The following PCDHA6 variants were observed in gnomAD, a reference collection of about 807,000 sequenced individuals.
PCDHA6 encodes protocadherin alpha 6, also known as protocadherin alpha-6.
Under a neutral mutation model 60.3 loss-of-function variants are expected in PCDHA6, and 55 were observed. That is an observed-to-expected ratio of 0.91 (90% confidence interval 0.73 to 1.14). The LOEUF (loss-of-function observed/expected upper bound fraction) is 1.14. Ranked by LOEUF, PCDHA6 falls within the 50% of genes most tolerant of loss-of-function variation. The probability of loss-of-function intolerance (pLI) is 0.00; values close to 1 mark genes in which losing one functional copy is unlikely to be tolerated. For missense variants in PCDHA6, 1,327 were observed against 1,256.5 expected (o/e 1.06, Z -0.85); for synonymous variants, 652 against 557.9 (o/e 1.17, Z -2.38).
At chr5:140,850,132 G>A (rs2150469208) in intron 1 of PCDHA6, 1 of 1,595,756 alleles carries the variant, frequency 6.3e-7, no homozygotes, top group East Asian at 2.2e-5. Flanking sequence ...CCGCCTCTGG[G>A]CAGCAACGTG....
At chr5:140,861,554 C>G (rs1023234694) in intron 1 of PCDHA6, 16 of 398,878 alleles carry the variant, frequency 4.0e-5, no homozygotes, top group African/African-American at 3.3e-4. Flanking sequence ...TGGAAGTGAT[C>G]GTGGACAAGC....
rs142720081 is a variant in PCDHA6, at chr5:141,009,771, T to G, written c.2687T>G (p.Ile896Ser). 1 of 1,614,082 alleles carries G rather than the reference T, an allele frequency of 6.2e-7. No individual in the cohort carries two copies. The change falls in exon 4 of 4, where the codon ATC becomes AGC. Residue 896 changes from isoleucine to serine, a missense_variant. Physicochemically the swap from Ile to Ser is moderately radical, Grantham distance 142. Transcript: ENST00000529310. ...DKFIIPGSPA[I>S]ISIRQEPTNS... ...TTCATTATCCCAGGATCTCCTGCAA[T>G]CATCTCCATCCGGCAGGAGCCTACT...
At position 140,876,889 on chromosome 5, in the gene PCDHA6, C is replaced by G. The variant is rs1409299527; in HGVS notation, c.2394+46404C>G. On this transcript the variant is annotated intron_variant, in intron 1 of 3. Coordinates refer to ENST00000529310, the MANE Select transcript of PCDHA6 (RefSeq NM_018909.4). ...GAAGGAGAACAACCCGCCGGGCTGC[C>G]ACATCTTCACGGTGTCGGCATGGGA... 3.1e-6 allele frequency: 5 copies of G among 1,613,996 alleles called. No homozygotes were observed. In the African/African-American group the frequency reaches 6.7e-5, roughly 22 times the overall value.
At chr5:140,918,268 A>T (rs1554198508) in intron 1 of PCDHA6, among the ~76,000 whole-genome samples, 2 of 152,084 alleles carry the variant, frequency 1.3e-5, no homozygotes. Context: ...TGGAGGTTTT[A>T]TCAGATGTAG....
At chr5:140,843,743 A>C (rs2150365956) in intron 1 of PCDHA6, 2 of 1,536,300 alleles carry the variant, frequency 1.3e-6, no homozygotes, top group Admixed American at 3.6e-5. Context: ...TAGAACTCAT[A>C]AATTCTATTT....
At chr5:140,844,055 G>A (rs1371474280) in intron 1 of PCDHA6, among the ~76,000 whole-genome samples, 1 of 149,532 alleles carries the variant, frequency 6.7e-6, no homozygotes, top group Non-Finnish European at 1.5e-5. Flanking sequence ...TTCCCCCAAA[G>A]CGTTTATTCT....
At chr5:140,962,817 G>A (rs555403742) in intron 1 of PCDHA6, among the ~76,000 whole-genome samples, 2 of 152,202 alleles carry the variant, frequency 1.3e-5, no homozygotes, top group South Asian at 4.1e-4. Flanking sequence ...CATCAGAGAT[G>A]ACCATTTGTC....
At chr5:140,856,750 C>A in intron 1 of PCDHA6, 1 of 1,596,268 alleles carries the variant, frequency 6.3e-7, no homozygotes, top group South Asian at 1.1e-5. Context: ...TGTTAGATGC[C>A]AATGATAACG....
At chr5:140,858,053 G>C (rs1233644213) in intron 1 of PCDHA6, 5 of 1,597,600 alleles carry the variant, frequency 3.1e-6, no homozygotes, top group Non-Finnish European at 4.3e-6. Flanking sequence ...TGTGTCGCTT[G>C]TGGAGGGCAG....
At chr5:140,869,703 G>A in intron 1 of PCDHA6, 1 of 1,613,428 alleles carries the variant, frequency 6.2e-7, no homozygotes, top group Non-Finnish European at 8.5e-7. Context: ...AGAAGTCTCT[G>A]GATAGAGAGA....
At chr5:140,855,140 G>C (rs2043352790) in intron 1 of PCDHA6, among the ~76,000 whole-genome samples, 1 of 149,686 alleles carries the variant, frequency 6.7e-6, no homozygotes. Context: ...TTTGCCTGAT[G>C]AGCCAAATTT....
intron 1 of PCDHA6, among the ~76,000 whole-genome samples, chr5:140,878,484 A>G (rs1285844908): frequency 6.6e-6 from 1 of 152,190 alleles, no homozygotes; most frequent in African/African-American, 2.4e-5. Flanking sequence ...CAATTTAAAA[A>G]TATTTAACCA....
chr5:140,919,301 A>G (rs1278715166), intron 1 of PCDHA6, among the ~76,000 whole-genome samples: 1 of 152,158 alleles, frequency 6.6e-6, no homozygotes, highest in African/African-American at 2.4e-5. Context: ...CTGTTTGTAC[A>G]ATATATGTTT....
intron 1 of PCDHA6, among the ~76,000 whole-genome samples, chr5:140,885,485 TTC>T (rs1412041657): frequency 1.3e-5 from 2 of 152,188 alleles, no homozygotes; most frequent in Admixed American, 6.5e-5. Context: ...GTGTCAAGTG[TTC>T]TGTTATCTTC....
At chr5:140,887,982 A>T (rs1372528675) in intron 1 of PCDHA6, among the ~76,000 whole-genome samples, 1 of 152,180 alleles carries the variant, frequency 6.6e-6, no homozygotes, top group African/African-American at 2.4e-5. Flanking sequence ...AATTTATTTT[A>T]CATGTCTCCA....
In PCDHA6 at chr5:140,841,863, A is replaced by T. The variant is rs1288637378; in HGVS notation, c.2394+11378A>T. On this transcript the variant is annotated intron_variant, in intron 1 of 3. Transcript: ENST00000529310. ...AGCTCTCATGATTACTTCATGCTAGATGTGAATTCAAAGAACGATGAGAAT... is the reference window on the plus strand; with the variant it reads ...AGCTCTCATGATTACTTCATGCTAGTTGTGAATTCAAAGAACGATGAGAAT... The T allele has an allele frequency of 9.9e-6, 16 of 1,613,706 alleles. No individual in the cohort carries two copies. In the Admixed American group the frequency reaches 2.7e-4, roughly 27 times the overall value.
intron 1 of PCDHA6, chr5:140,968,109 A>G (rs2096220086): frequency 6.2e-7 from 1 of 1,614,046 alleles, no homozygotes; most frequent in African/African-American, 1.3e-5. Context: ...GGAATACCGC[A>G]GCTCACATCC....
chr5:140,920,996 CAG>C (rs1554200030), intron 1 of PCDHA6, among the ~76,000 whole-genome samples: 3 of 151,876 alleles, frequency 2.0e-5, no homozygotes, highest in African/African-American at 7.3e-5. Context: ...CTTATTTTTT[CAG>C]AGTCAGGGTC....
intron 1 of PCDHA6, among the ~76,000 whole-genome samples, chr5:140,918,603 A>G (rs2078773753): frequency 6.6e-6 from 1 of 152,252 alleles, no homozygotes; most frequent in African/African-American, 2.4e-5. Context: ...AGATGTTGCT[A>G]TGATATGAAT....
Sources: gnomAD v4.1 joint callset for allele counts (sites outside exome capture counted in the v4.1 genomes callset) on GRCh38, gnomAD v4.1.1 for gene constraint, MANE v1.5 for transcripts, NCBI Gene and HGNC (gene_info 2026-07-23, HGNC 2026-07-21) for gene names.